The following TLCD4 variants were observed in gnomAD, a reference collection of about 807,000 sequenced individuals.
TLCD4 encodes the protein TLC domain-containing protein 4.
A neutral mutation model predicts 24.2 loss-of-function variants in TLCD4; 7 were observed. That is an observed-to-expected ratio of 0.29 (90% CI 0.16 to 0.54). The LOEUF is 0.54. Among genes scored for constraint, TLCD4 ranks in the 20% least tolerant of loss-of-function variants. The pLI, the probability that TLCD4 is intolerant of heterozygous loss-of-function variation, is 0.95. For missense variants in TLCD4, 259 were observed against 313.9 expected (o/e 0.82, Z 1.32); for synonymous variants, 103 against 106.4 (o/e 0.97, Z 0.20).
chr1:95,105,893 T>TCAA, the TLCD4 span, among the ~76,000 whole-genome samples: 10 of 102,880 alleles, frequency 9.7e-5, no homozygotes, highest in Admixed American at 2.2e-4. Context: ...AGACTCCGTC[T>TCAA]TAAAAAAAAA....
chr1:95,104,305 C>G, the TLCD4 span, among the ~76,000 whole-genome samples: 1 of 152,136 alleles, frequency 6.6e-6, no homozygotes, highest in African/African-American at 2.4e-5. Flanking sequence ...TACAGATGCT[C>G]CTTTACTTAG....
chr1:95,114,170 C>G (rs140693259), upstream of TLCD4, among the ~76,000 whole-genome samples: 1 of 152,200 alleles, frequency 6.6e-6, no homozygotes, highest in African/African-American at 2.4e-5. Flanking sequence ...AGCAATCCTC[C>G]TGCCTCAGTC....
the TLCD4 span, among the ~76,000 whole-genome samples, chr1:95,094,425 G>T: frequency 6.6e-6 from 1 of 152,034 alleles, no homozygotes. Context: ...TGCCTGGCTG[G>T]CTAGCCTCTT....
chr1:95,144,576 A>G (rs913127182), intron 2 of TLCD4, among the ~76,000 whole-genome samples: 3 of 151,526 alleles, frequency 2.0e-5, no homozygotes, highest in Non-Finnish European at 4.4e-5. Context: ...TATAATTTTA[A>G]AGTAAAAATT....
chr1:95,122,106 A>G (rs1249544896), intron 1 of TLCD4, among the ~76,000 whole-genome samples: 4 of 152,226 alleles, frequency 2.6e-5, no homozygotes, highest in African/African-American at 4.8e-5. Context: ...GCTCACGCCT[A>G]TAATCCCAGC....
At chr1:95,152,586 A>G (rs1677521707) in intron 5 of TLCD4, among the ~76,000 whole-genome samples, 1 of 152,132 alleles carries the variant, frequency 6.6e-6, no homozygotes, top group African/African-American at 2.4e-5. Context: ...GAAAAGTAAG[A>G]TTCTTTGGAA....
intron 1 of TLCD4, among the ~76,000 whole-genome samples, chr1:95,141,401 C>T (rs940704211): frequency 3.3e-5 from 5 of 151,920 alleles, no homozygotes; most frequent in Admixed American, 6.6e-5. Flanking sequence ...ATGAGCAGCC[C>T]GTGCCCACCT....
rs367664340 is a variant in TLCD4 at position 95,178,012 on chromosome 1, G to A, written c.473+4123G>A. 2.6e-4 allele frequency among the ~76,000 whole-genome samples: 38 copies of A among 148,974 alleles called. No homozygotes were observed. The East Asian group carries it at 5.7e-3, about 22-fold the overall frequency. On this transcript the variant is annotated intron_variant, in intron 6 of 6. Coordinates refer to ENST00000370203, the MANE Select transcript of TLCD4 (RefSeq NM_152487.3). ...ATCGTCCAGGCTAGAGTGCAGTGGC[G>A]TGATCTTGGCTCACTGCAACCTACA... is the stretch of plus-strand genomic sequence containing the variant.
intron 1 of TLCD4, among the ~76,000 whole-genome samples, chr1:95,126,565 G>A (rs1260128525): frequency 6.6e-6 from 1 of 152,176 alleles, no homozygotes. Context: ...TGATTCTGTG[G>A]GTTGGCTAGG....
chr1:95,147,004 T>G (rs1205735601), intron 2 of TLCD4, among the ~76,000 whole-genome samples: 2 of 151,230 alleles, frequency 1.3e-5, no homozygotes, highest in Non-Finnish European at 3.0e-5. Context: ...TTTATATAAT[T>G]TTTGAATAGC....
rs1679054440 is a variant in TLCD4, at chr1:95,192,310, AAAG to A, written c.*444_*446del. Reference sequence around the variant, plus strand: ...CAAGACTCTGTCTCAAAAAAAAAAAAAAGAGAGAAACTAAAATTAAAATTTAGT... The same window carrying A: ...CAAGACTCTGTCTCAAAAAAAAAAAAAGAGAAACTAAAATTAAAATTTAGT... On this transcript the variant is annotated 3_prime_UTR_variant, in exon 7 of 7. Transcript: ENST00000370203. The A allele has an allele frequency of 6.6e-6, 1 of 152,494 alleles. No homozygotes were observed. Among genetic ancestry groups the A allele is most frequent in the Non-Finnish European group, 1.5e-5 (1 of 68,396 alleles). 9.4% of individuals were successfully genotyped at this position (152,494 alleles called of 1,614,324 possible).
chr1:95,143,503 A>T (rs1677262185), intron 1 of TLCD4, among the ~76,000 whole-genome samples: 1 of 152,182 alleles, frequency 6.6e-6, no homozygotes, highest in Admixed American at 6.5e-5. Context: ...CAACTCTTTC[A>T]TATCATAGAT....
the TLCD4 span, among the ~76,000 whole-genome samples, chr1:95,109,752 G>T: frequency 6.6e-6 from 1 of 151,626 alleles, no homozygotes; most frequent in African/African-American, 2.4e-5. Flanking sequence ...GCCTCCCAAA[G>T]TGTTGGTATT....
rs533285109 is a variant in TLCD4, at chr1:95,169,700, C to T, written c.400-4116C>T. On this transcript the variant is annotated intron_variant, in intron 5 of 6. Coordinates refer to ENST00000370203, the MANE Select transcript of TLCD4 (RefSeq NM_152487.3). ...AATTTTTAGAATTTTTTTAAAGAAA[C>T]GGTTTTGCTGTGTCACCTAGGCTGG... 2.2e-4 allele frequency among the ~76,000 whole-genome samples: 34 copies of T among 151,846 alleles called. No homozygotes were observed. In the South Asian group the frequency reaches 3.7e-3, roughly 17 times the overall value.
At chr1:95,143,310 C>T (rs1410890028) in intron 1 of TLCD4, among the ~76,000 whole-genome samples, 5 of 152,096 alleles carry the variant, frequency 3.3e-5, no homozygotes, top group Admixed American at 2.0e-4. Flanking sequence ...ATTGTCTTGC[C>T]TCAACAGTGC....
At position 95,193,495 on chromosome 1, in the gene TLCD4, T is replaced by TA. The variant is rs1405455100; in HGVS notation, c.*1628dup. 6.6e-6 allele frequency: 1 copy of TA among 152,146 alleles called. No homozygotes were observed. 9.4% of individuals were successfully genotyped at this position (152,146 alleles called of 1,614,324 possible). On this transcript the variant is annotated 3_prime_UTR_variant, in exon 7 of 7. Coordinates refer to ENST00000370203, the MANE Select transcript of TLCD4 (RefSeq NM_152487.3). ...GAATACTTGAAATTAATTGAACTCA[T>TA]ACCAAAAGATGTAATCCAGTTTCTC...
At chr1:95,137,058 G>T (rs923505649) in intron 1 of TLCD4, among the ~76,000 whole-genome samples, 1 of 152,150 alleles carries the variant, frequency 6.6e-6, no homozygotes, top group African/African-American at 2.4e-5. Context: ...GAGGTGCAGG[G>T]CGCATAGCCA....
At position 95,183,753 on chromosome 1, in the gene TLCD4, G is replaced by A. The variant is rs928066922; in HGVS notation, c.474-7797G>A. Reference sequence around the variant, plus strand: ...CTCAGGAGGCTGAGGCAGGAGAATCGCTTGAATCTGGGAGGCGGAGATTGC... The same window carrying A: ...CTCAGGAGGCTGAGGCAGGAGAATCACTTGAATCTGGGAGGCGGAGATTGC... On this transcript the variant is annotated intron_variant, in intron 6 of 6. Coordinates refer to ENST00000370203, the MANE Select transcript of TLCD4 (RefSeq NM_152487.3). Among the ~76,000 whole-genome samples the A allele has an allele frequency of 8.5e-5, 13 of 152,174 alleles. No individual in the cohort carries two copies. In the East Asian group the frequency reaches 1.4e-3, roughly 16 times the overall value.
chr1:95,156,054 A>T (rs540933139), intron 5 of TLCD4, among the ~76,000 whole-genome samples: 1 of 152,260 alleles, frequency 6.6e-6, no homozygotes, highest in South Asian at 2.1e-4. Context: ...AGTTTGTAGA[A>T]ATACTGGGCT....
Sources: allele counts gnomAD v4.1 joint callset (sites outside exome capture counted in the v4.1 genomes callset), GRCh38; gene constraint gnomAD v4.1.1; transcripts MANE v1.5; gene names NCBI Gene and HGNC (gene_info 2026-07-23, HGNC 2026-07-21).